Variants in BTBD9 observed in about 807,000 individuals in gnomAD.
The protein encoded by BTBD9 is BTB domain containing 9, also known as BTB/POZ domain-containing protein 9.
BTBD9 carries 49 observed loss-of-function variants against 64.3 expected under a neutral mutation model. That is an observed-to-expected ratio of 0.76 (90% confidence interval 0.61 to 0.97). The LOEUF is 0.97. Ranked by LOEUF, BTBD9 falls within the 50% of genes least tolerant of loss-of-function variation. The pLI is 0.00. For missense variants in BTBD9, 598 were observed against 762.1 expected, an observed-to-expected ratio of 0.78 and a Z score of 2.53; for synonymous variants, 260 against 274.7, an observed-to-expected ratio of 0.95 and a Z score of 0.53.
chr6:38,316,357 T>C (rs548854089), intron 7 of BTBD9, among the ~76,000 whole-genome samples: 57 of 152,320 alleles, frequency 3.7e-4, no homozygotes, highest in African/African-American at 1.2e-3. Flanking sequence ...ATTTGTTTCC[T>C]GGTTGTTCTG....
chr6:38,595,208 A>T (rs1253051857), intron 2 of BTBD9, among the ~76,000 whole-genome samples: 2 of 152,244 alleles, frequency 1.3e-5, no homozygotes, highest in Non-Finnish European at 2.9e-5. Context: ...CTTTAAATCA[A>T]GAAAAATCAG....
chr6:38,471,050 A>T (rs573615894), intron 6 of BTBD9, among the ~76,000 whole-genome samples: 2 of 152,330 alleles, frequency 1.3e-5, no homozygotes. Flanking sequence ...TGGAGCTCTA[A>T]GGAACATGTA....
chr6:38,587,805 T>A, intron 4 of BTBD9: 1 of 714,568 alleles, frequency 1.4e-6, no homozygotes, highest in Non-Finnish European at 2.7e-6. Context: ...AACAGTCTAC[T>A]CAGGTTATGG....
intron 6 of BTBD9, among the ~76,000 whole-genome samples, chr6:38,376,112 A>C (rs1765688386): frequency 6.6e-6 from 1 of 152,202 alleles, no homozygotes; most frequent in African/African-American, 2.4e-5. Flanking sequence ...GAGTACAGGA[A>C]GCCACAAAAG....
intron 6 of BTBD9, among the ~76,000 whole-genome samples, chr6:38,379,714 G>T (rs1487799802): frequency 1.3e-5 from 2 of 152,128 alleles, no homozygotes; most frequent in Admixed American, 1.3e-4. Context: ...ACTAACTTCA[G>T]GAAAAACAAT....
intron 7 of BTBD9, among the ~76,000 whole-genome samples, chr6:38,328,954 A>G (rs1763560633): frequency 7.3e-6 from 1 of 136,914 alleles, no homozygotes; most frequent in African/African-American, 2.9e-5. Context: ...CTCAAAAAAA[A>G]AAAGAAAGAA....
rs1764820444 is a variant in BTBD9, at chr6:38,262,314, T to C, written c.1455-5798A>G. Among the ~76,000 whole-genome samples the C allele has an allele frequency of 2.0e-5, 3 of 152,188 alleles. No individual in the cohort carries two copies. In the South Asian group the frequency reaches 6.2e-4, roughly 31 times the overall value. ...GAATAAAGGAAGTTGCTGGCCAAGA[T>C]TTATTGATGCAGATCAGGTCGGTGT... On this transcript the variant is annotated intron_variant, in intron 8 of 10. Transcript: ENST00000481247.
At chr6:38,483,381 T>C (rs1009137247) in intron 6 of BTBD9, among the ~76,000 whole-genome samples, 10 of 152,088 alleles carry the variant, frequency 6.6e-5, no homozygotes, top group African/African-American at 2.4e-4. Context: ...TGTCCTTGTT[T>C]TCTTCCTGCC....
At chr6:38,247,345 A>T (rs939260210) in intron 9 of BTBD9, among the ~76,000 whole-genome samples, 7 of 152,220 alleles carry the variant, frequency 4.6e-5, no homozygotes, top group Admixed American at 3.3e-4. Context: ...TAGGGAATAA[A>T]TAGCAGATAC....
chr6:38,526,487 C>T (rs1375264341), intron 6 of BTBD9, among the ~76,000 whole-genome samples: 2 of 152,214 alleles, frequency 1.3e-5, no homozygotes, highest in Non-Finnish European at 2.9e-5. Flanking sequence ...CCCACTGGGG[C>T]ACTACCTAGT....
chr6:38,247,804 TGCTATGTATA>T (rs2127529264), intron 9 of BTBD9, among the ~76,000 whole-genome samples: 1 of 152,368 alleles, frequency 6.6e-6, no homozygotes, highest in Non-Finnish European at 1.5e-5. Context: ...GCTGGGATAT[TGCTATGTATA>T]GCACTTAATT....
At chr6:38,188,958 T>C (rs919698792) in intron 10 of BTBD9, among the ~76,000 whole-genome samples, 2 of 152,016 alleles carry the variant, frequency 1.3e-5, no homozygotes, top group Non-Finnish European at 2.9e-5. Context: ...ACTCCCAGCC[T>C]CTGGGACTGT....
At chr6:38,600,561 T>C (rs1043647620) in intron 1 of BTBD9, among the ~76,000 whole-genome samples, 2 of 152,114 alleles carry the variant, frequency 1.3e-5, no homozygotes, top group African/African-American at 4.8e-5. Flanking sequence ...CACTCTCCAA[T>C]ATTTCAATGA....
intron 1 of BTBD9, among the ~76,000 whole-genome samples, chr6:38,637,545 T>C (rs901682701): frequency 1.6e-4 from 25 of 152,194 alleles, no homozygotes; most frequent in South Asian, 1.4e-3. Flanking sequence ...CAACTAACAT[T>C]TGTATATTTT....
At chr6:38,195,646 C>T (rs932234086) in intron 9 of BTBD9, among the ~76,000 whole-genome samples, 5 of 152,118 alleles carry the variant, frequency 3.3e-5, no homozygotes, top group Non-Finnish European at 7.4e-5. Flanking sequence ...CTCACAGAAA[C>T]GCATCTAGAA....
At chr6:38,360,661 T>G (rs13200372) in intron 6 of BTBD9, among the ~76,000 whole-genome samples, 1 of 151,628 alleles carries the variant, frequency 6.6e-6, no homozygotes, top group Non-Finnish European at 1.5e-5. Flanking sequence ...GGAAGGAAAA[T>G]GCAGGCAGAA....
At chr6:38,346,059 T>C (rs986392634) in intron 6 of BTBD9, among the ~76,000 whole-genome samples, 3 of 152,234 alleles carry the variant, frequency 2.0e-5, no homozygotes, top group Admixed American at 6.5e-5. Flanking sequence ...TTATGAACTA[T>C]GCACTCTGAA....
At chr6:38,303,874 T>TATATATACACAC (rs368257334) in intron 7 of BTBD9, among the ~76,000 whole-genome samples, 10 of 82,646 alleles carry the variant, frequency 1.2e-4, no homozygotes, top group Admixed American at 2.5e-4. Flanking sequence ...TATATATATA[T>TATATATACACAC]ACACACACAC....
chr6:38,559,709 G>A (rs551825306), intron 6 of BTBD9, among the ~76,000 whole-genome samples: 5 of 152,214 alleles, frequency 3.3e-5, no homozygotes, highest in East Asian at 3.9e-4. Flanking sequence ...AAAACAGCAC[G>A]GTACTAGTAC....
Sources: allele counts gnomAD v4.1 joint callset (sites outside exome capture counted in the v4.1 genomes callset), GRCh38; gene constraint gnomAD v4.1.1; transcripts MANE v1.5; gene names NCBI Gene and HGNC (gene_info 2026-07-23, HGNC 2026-07-21).